The following ADAMTSL1 variants were observed in gnomAD, a reference collection of about 807,000 sequenced individuals.
The protein encoded by ADAMTSL1 is ADAMTS like 1, also known as ADAMTS-like protein 1.
ADAMTSL1 carries 126 observed loss-of-function variants against 201.8 expected under a neutral mutation model. That is an observed-to-expected ratio of 0.62 (90% confidence interval 0.54 to 0.72). ADAMTSL1 has a LOEUF of 0.72. Ranked by LOEUF, ADAMTSL1 falls within the 30% of genes least tolerant of loss-of-function variation. The pLI, the probability that ADAMTSL1 is intolerant of heterozygous loss-of-function variation, is 0.00. For missense variants in ADAMTSL1, 2,679 were observed against 2,277.8 expected, an observed-to-expected ratio of 1.18 and a Z score of -3.59; for synonymous variants, 1,121 against 903.4, an observed-to-expected ratio of 1.24 and a Z score of -4.32.
At chr9:18,766,596 C>T (rs887478508) in intron 16 of ADAMTSL1, among the ~76,000 whole-genome samples, 1 of 152,162 alleles carries the variant, frequency 6.6e-6, no homozygotes, top group African/African-American at 2.4e-5. Flanking sequence ...ATTTATTTCT[C>T]ACAGTTCTGG....
At chr9:18,729,592 G>T (rs1446500532) in intron 15 of ADAMTSL1, among the ~76,000 whole-genome samples, 1 of 152,188 alleles carries the variant, frequency 6.6e-6, no homozygotes, top group Non-Finnish European at 1.5e-5. Flanking sequence ...ATGTTACGCT[G>T]CCCTTTAAGA....
chr9:18,074,559 T>C (rs1178697435), intron 1 of ADAMTSL1, among the ~76,000 whole-genome samples: 2 of 90,830 alleles, frequency 2.2e-5, no homozygotes, highest in African/African-American at 9.7e-5. Flanking sequence ...CTCTTCTCTT[T>C]TCTTTTTTTT....
At chr9:18,881,694 G>T (rs553601251) in intron 23 of ADAMTSL1, among the ~76,000 whole-genome samples, 3 of 152,206 alleles carry the variant, frequency 2.0e-5, no homozygotes, top group Admixed American at 1.3e-4. Flanking sequence ...CTTAGCACAG[G>T]GTTGCCACAA....
intron 2 of ADAMTSL1, among the ~76,000 whole-genome samples, chr9:18,425,382 T>C (rs1819163066): frequency 6.8e-6 from 1 of 146,258 alleles, no homozygotes; most frequent in Non-Finnish European, 1.5e-5. Context: ...CCAAATTTGC[T>C]ACTCAATAGA....
chr9:18,470,834 C>T (rs76362987), upstream of ADAMTSL1, among the ~76,000 whole-genome samples: 101 of 133,034 alleles, frequency 7.6e-4, no homozygotes, highest in African/African-American at 2.4e-3. Context: ...ACAGCCCTGA[C>T]ACTCTCTCTC....
intron 2 of ADAMTSL1, among the ~76,000 whole-genome samples, chr9:18,284,330 A>G (rs796494254): frequency 3.3e-5 from 5 of 152,302 alleles, no homozygotes; most frequent in African/African-American, 1.2e-4. Flanking sequence ...TTTCTATTCC[A>G]GACTTTGTCC....
intron 1 of ADAMTSL1, among the ~76,000 whole-genome samples, chr9:18,074,521 T>TTTCTTTTCTTTTC (rs1823117943): frequency 1.4e-5 from 2 of 141,484 alleles, no homozygotes; most frequent in Non-Finnish European, 3.0e-5. Flanking sequence ...CTTCTTTTCT[T>TTTCTTTTCTTTTC]TTCTTTTCTT....
chr9:18,121,601 A>T (rs2131921828), intron 1 of ADAMTSL1, among the ~76,000 whole-genome samples: 1 of 152,350 alleles, frequency 6.6e-6, no homozygotes, highest in South Asian at 2.1e-4. Flanking sequence ...CTGAAAAATA[A>T]CTACTAAAAG....
At chr9:18,827,385 C>T (rs756065396) in intron 22 of ADAMTSL1, among the ~76,000 whole-genome samples, 24 of 151,990 alleles carry the variant, frequency 1.6e-4, no homozygotes, top group African/African-American at 2.2e-4. Flanking sequence ...GTTTTCACAC[C>T]GAGAGTTGAA....
At chr9:18,661,611 A>G (rs1295753416) in intron 8 of ADAMTSL1, among the ~76,000 whole-genome samples, 5 of 152,354 alleles carry the variant, frequency 3.3e-5, no homozygotes, top group South Asian at 2.1e-4. Context: ...TTTTGGACAC[A>G]GAATTCTGCA....
intron 2 of ADAMTSL1, among the ~76,000 whole-genome samples, chr9:18,360,069 A>T (rs1412475584): frequency 6.6e-6 from 1 of 152,048 alleles, no homozygotes; most frequent in Non-Finnish European, 1.5e-5. Context: ...TAATTGTATT[A>T]TTGCTGTTGC....
At chr9:18,347,371 C>T (rs1460927560) in intron 2 of ADAMTSL1, among the ~76,000 whole-genome samples, 1 of 152,072 alleles carries the variant, frequency 6.6e-6, no homozygotes, top group East Asian at 1.9e-4. Context: ...GGGCATTTTA[C>T]TGGGACCACC....
At chr9:18,157,224 C>T (rs1276610441) in intron 1 of ADAMTSL1, among the ~76,000 whole-genome samples, 2 of 152,026 alleles carry the variant, frequency 1.3e-5, no homozygotes, top group East Asian at 3.9e-4. Context: ...ATTCCTTTTG[C>T]TAGTTTTTCT....
chr9:18,621,865 T>C (rs911286361), intron 4 of ADAMTSL1, among the ~76,000 whole-genome samples: 4 of 152,178 alleles, frequency 2.6e-5, no homozygotes, highest in African/African-American at 4.8e-5. Flanking sequence ...GTTGTAGTTT[T>C]TGTCATTTGA....
chr9:17,915,526 T>C (rs1315093330), intron 1 of ADAMTSL1, among the ~76,000 whole-genome samples: 1 of 152,216 alleles, frequency 6.6e-6, no homozygotes, highest in Non-Finnish European at 1.5e-5. Context: ...CTGCAAACAT[T>C]TATGTACAAG....
chr9:18,119,641 G>A (rs971117097), intron 1 of ADAMTSL1, among the ~76,000 whole-genome samples: 1 of 152,076 alleles, frequency 6.6e-6, no homozygotes, highest in African/African-American at 2.4e-5. Flanking sequence ...TACAGAGCAG[G>A]TGGAGGGCTG....
chr9:18,571,583 G>A (rs1483333905), intron 3 of ADAMTSL1, among the ~76,000 whole-genome samples: 1 of 152,156 alleles, frequency 6.6e-6, no homozygotes, highest in Non-Finnish European at 1.5e-5. Context: ...TCAATGACCA[G>A]GAACTTGTGG....
At chr9:18,082,219 G>C (rs1823530305) in intron 1 of ADAMTSL1, among the ~76,000 whole-genome samples, 1 of 152,180 alleles carries the variant, frequency 6.6e-6, no homozygotes, top group African/African-American at 2.4e-5. Context: ...TAGAGGATAA[G>C]AAGTACGAAA....
At chr9:18,059,205 C>T (rs1360904703) in intron 1 of ADAMTSL1, among the ~76,000 whole-genome samples, 1 of 152,172 alleles carries the variant, frequency 6.6e-6, no homozygotes, top group East Asian at 1.9e-4. Flanking sequence ...ATTGTCTCTC[C>T]TCTGAGTAAG....
Sources: gnomAD v4.1 joint callset for allele counts (sites outside exome capture counted in the v4.1 genomes callset) on GRCh38, gnomAD v4.1.1 for gene constraint, MANE v1.5 for transcripts, NCBI Gene and HGNC (gene_info 2026-07-23, HGNC 2026-07-21) for gene names.